Variants in ATP8A2 observed in about 807,000 individuals in gnomAD.
ATP8A2 encodes the protein phospholipid-transporting ATPase IB.
In ATP8A2, 100 loss-of-function variants were observed where a neutral mutation model predicts 165.6. That is an observed-to-expected ratio of 0.60 (90% CI 0.51 to 0.71). ATP8A2 has a LOEUF of 0.71. Among genes scored for constraint, ATP8A2 ranks in the 30% least tolerant of loss-of-function variants. The pLI is 0.00. For missense variants in ATP8A2, 1,227 were observed against 1,479.5 expected (o/e 0.83, Z 2.80); for synonymous variants, 543 against 548.8 (o/e 0.99, Z 0.15).
chr13:25,927,248 G>A (rs574537296), intron 33 of ATP8A2: 2 of 456,720 alleles, frequency 4.4e-6, no homozygotes, highest in Admixed American at 4.7e-5. Flanking sequence ...GCATCTGACA[G>A]AAAGATTAAA....
At chr13:25,898,496 C>G (rs1351281349) in intron 33 of ATP8A2, among the ~76,000 whole-genome samples, 2 of 152,246 alleles carry the variant, frequency 1.3e-5, no homozygotes, top group Non-Finnish European at 2.9e-5. Flanking sequence ...AGGAGGCGGT[C>G]TGCCTGTTCT....
Position 25,556,957 on chromosome 13 carries a change from A to C in ATP8A2, c.1263+1889A>C, listed in dbSNP as rs866994724. Among the ~76,000 whole-genome samples, 6 of 150,416 alleles carry C rather than the reference A, an allele frequency of 4.0e-5. No homozygotes were observed. In the South Asian group the frequency reaches 1.3e-3, roughly 32 times the overall value. Reference sequence around the variant, plus strand: ...GCTCATTGATCTGAGGGTTAGAAAAACTCCCTTATGGAGGTAGGCTTGCTT... The same window carrying C: ...GCTCATTGATCTGAGGGTTAGAAAACCTCCCTTATGGAGGTAGGCTTGCTT... On this transcript the variant is annotated intron_variant, in intron 13 of 36. Transcript: ENST00000381655.
At chr13:25,459,622 G>T (rs1184085424) in intron 1 of ATP8A2, among the ~76,000 whole-genome samples, 1 of 152,186 alleles carries the variant, frequency 6.6e-6, no homozygotes, top group African/African-American at 2.4e-5. Context: ...GCTAGGGCGT[G>T]GTCACAAAGT....
At chr13:25,383,011 T>C (rs968097205) in intron 1 of ATP8A2, among the ~76,000 whole-genome samples, 3 of 151,458 alleles carry the variant, frequency 2.0e-5, no homozygotes, top group African/African-American at 7.3e-5. Context: ...CACCTTGGCC[T>C]CCCAAAGTGC....
At chr13:25,628,650 C>A (rs891645275) in intron 24 of ATP8A2, among the ~76,000 whole-genome samples, 2 of 152,074 alleles carry the variant, frequency 1.3e-5, no homozygotes, top group Admixed American at 6.6e-5. Context: ...GATCAGTCTC[C>A]TCTGATGGTT....
At chr13:25,961,703 A>C (rs1955664194) in intron 34 of ATP8A2, 40 bp downstream of exon 34, 1 of 1,448,544 alleles carries the variant, frequency 6.9e-7, no homozygotes. Flanking sequence ...AGTCTGGCTC[A>C]TCTGTCCCTG....
intron 25 of ATP8A2, among the ~76,000 whole-genome samples, chr13:25,709,967 C>T (rs1158733818): frequency 1.3e-5 from 2 of 152,130 alleles, no homozygotes; most frequent in African/African-American, 2.4e-5. Flanking sequence ...TATTTGAAAT[C>T]TGCTGCCAAG....
At chr13:25,580,427 C>T (rs2138235351) in intron 22 of ATP8A2, among the ~76,000 whole-genome samples, 1 of 152,308 alleles carries the variant, frequency 6.6e-6, no homozygotes, top group Non-Finnish European at 1.5e-5. Context: ...CTTTAGCTCA[C>T]TTTCAATTTA....
In ATP8A2 at chr13:25,465,825, T is replaced by A. The variant is rs555330722; in HGVS notation, c.77-3152T>A. On this transcript the variant is annotated intron_variant, in intron 1 of 36. Coordinates refer to ENST00000381655, the MANE Select transcript of ATP8A2 (RefSeq NM_016529.6). Reference sequence around the variant, plus strand: ...TTTTGGTAGAGATGAGGTCTTGCTATGTTGCCTAGGCTGGACTCGAACTCC... The same window carrying A: ...TTTTGGTAGAGATGAGGTCTTGCTAAGTTGCCTAGGCTGGACTCGAACTCC... Among the ~76,000 whole-genome samples, 8 of 145,202 alleles carry A rather than the reference T, an allele frequency of 5.5e-5. No homozygotes were observed. The South Asian group carries it at 1.6e-3, about 29-fold the overall frequency.
At chr13:25,882,477 A>T (rs1310659161) in intron 33 of ATP8A2, among the ~76,000 whole-genome samples, 3 of 152,214 alleles carry the variant, frequency 2.0e-5, no homozygotes, top group Admixed American at 6.5e-5. Context: ...TCATACAAAA[A>T]AGACTAAGTT....
chr13:25,749,702 G>T (rs1314198913), intron 25 of ATP8A2, among the ~76,000 whole-genome samples: 1 of 152,108 alleles, frequency 6.6e-6, no homozygotes, highest in African/African-American at 2.4e-5. Context: ...CCAAGGCTGC[G>T]GTGTAGACAG....
chr13:25,893,229 T>C (rs1431256685), intron 33 of ATP8A2, among the ~76,000 whole-genome samples: 3 of 118,328 alleles, frequency 2.5e-5, no homozygotes, highest in Non-Finnish European at 4.9e-5. Flanking sequence ...GTCCCCGGAG[T>C]GTGATGTTCC....
intron 35 of ATP8A2, among the ~76,000 whole-genome samples, chr13:25,982,075 T>G (rs1956179852): frequency 6.6e-6 from 1 of 152,222 alleles, no homozygotes; most frequent in Non-Finnish European, 1.5e-5. Flanking sequence ...AATTTTAGAT[T>G]CTTAAGCTAT....
intron 2 of ATP8A2, among the ~76,000 whole-genome samples, chr13:25,496,002 T>C (rs1440288310): frequency 2.6e-5 from 4 of 152,174 alleles, no homozygotes; most frequent in Non-Finnish European, 5.9e-5. Flanking sequence ...CCAGGGCTCA[T>C]GCACATTCAG....
intron 30 of ATP8A2, among the ~76,000 whole-genome samples, chr13:25,843,761 A>C (rs936052521): frequency 1.3e-5 from 2 of 152,192 alleles, no homozygotes; most frequent in Non-Finnish European, 2.9e-5. Flanking sequence ...TGGAAGTATC[A>C]ATCAAAACAC....
At chr13:25,378,868 A>G (rs575437011) in intron 1 of ATP8A2, among the ~76,000 whole-genome samples, 1 of 152,354 alleles carries the variant, frequency 6.6e-6, no homozygotes, top group East Asian at 1.9e-4. Context: ...GAGAACAAAG[A>G]TAATAAAGGT....
chr13:25,887,031 A>C (rs1194999545), intron 33 of ATP8A2, among the ~76,000 whole-genome samples: 3 of 152,136 alleles, frequency 2.0e-5, no homozygotes, highest in African/African-American at 7.2e-5. Flanking sequence ...ATGCTGTGTG[A>C]CTCATTTGTG....
intron 35 of ATP8A2, among the ~76,000 whole-genome samples, chr13:26,010,131 G>A (rs961703521): frequency 2.0e-5 from 3 of 152,216 alleles, no homozygotes; most frequent in Non-Finnish European, 2.9e-5. Flanking sequence ...CACTCTAGGC[G>A]GCATCTAGGC....
At chr13:25,903,390 A>G (rs980139837) in intron 33 of ATP8A2, among the ~76,000 whole-genome samples, 1 of 151,632 alleles carries the variant, frequency 6.6e-6, no homozygotes. Flanking sequence ...TCAATCTCAC[A>G]TGTCACTTCC....
Sources: allele counts gnomAD v4.1 joint callset (sites outside exome capture counted in the v4.1 genomes callset), GRCh38; gene constraint gnomAD v4.1.1; transcripts MANE v1.5; gene names NCBI Gene and HGNC (gene_info 2026-07-23, HGNC 2026-07-21).